APBA1: variants seen among roughly 807,000 people sequenced by gnomAD.
APBA1 encodes the protein amyloid beta precursor protein binding family A member 1.
APBA1 carries 55 observed loss-of-function variants against 86.6 expected under a neutral mutation model. The observed-to-expected ratio is 0.64, with a 90% CI of 0.51 to 0.80. The LOEUF (loss-of-function observed/expected upper bound fraction) is 0.80, where lower values mean the gene tolerates loss of function less well. APBA1 is among the 30% of genes least tolerant of loss of function. The probability of loss-of-function intolerance (pLI) is 0.00; values close to 1 mark genes in which losing one functional copy is unlikely to be tolerated. For missense variants in APBA1, 1,090 were observed against 1,183.0 expected, an observed-to-expected ratio of 0.92 and a Z score of 1.15; for synonymous variants, 511 against 493.9, an observed-to-expected ratio of 1.03 and a Z score of -0.46.
At chr9:69,615,164 C>T (rs562750739) in intron 1 of APBA1, among the ~76,000 whole-genome samples, 7 of 152,330 alleles carry the variant, frequency 4.6e-5, no homozygotes, top group Non-Finnish European at 8.8e-5. Context: ...CACGCCACTG[C>T]GTTCCGGCCT....
At chr9:69,510,510 A>T (rs1255325208) in intron 2 of APBA1, among the ~76,000 whole-genome samples, 1 of 136,040 alleles carries the variant, frequency 7.4e-6, no homozygotes, top group Non-Finnish European at 1.6e-5. Flanking sequence ...GGTAATTTAC[A>T]GATTCAATGC....
At position 69,531,653 on chromosome 9, in the gene APBA1, C is replaced by T. The variant is rs563490097; in HGVS notation, c.-69-14374G>A. Among the ~76,000 whole-genome samples, 252 of 152,304 alleles carry T rather than the reference C, an allele frequency of 1.7e-3. 1 individual carries two copies. Among genetic ancestry groups the T allele is most frequent in the African/African-American group, 5.8e-3 (242 of 41,568 alleles). ...CCCTGCCCTTCAGCACTCATGGCCT[C>T]TGTAGGTAAATCAGTAGGAGAAGTT... On this transcript the variant is annotated intron_variant, in intron 1 of 12. Transcript: ENST00000265381.
At chr9:69,597,229 C>T (rs1444868227) in intron 1 of APBA1, among the ~76,000 whole-genome samples, 3 of 152,182 alleles carry the variant, frequency 2.0e-5, no homozygotes, top group Non-Finnish European at 2.9e-5. Context: ...GAGATAGTAT[C>T]TCATTGTGGT....
At chr9:69,581,181 T>A (rs1325809381) in intron 1 of APBA1, among the ~76,000 whole-genome samples, 1 of 152,186 alleles carries the variant, frequency 6.6e-6, no homozygotes, top group Non-Finnish European at 1.5e-5. Context: ...TTAAATGGTA[T>A]CAGTCAAAGC....
intron 1 of APBA1, among the ~76,000 whole-genome samples, chr9:69,518,080 G>A (rs12553491): frequency 0.37 from 56,973 of 151,988 alleles, 12,166 homozygotes; most frequent in Non-Finnish European, 0.47. Context: ...TCCCTATTGC[G>A]CACTCAGCAT....
chr9:69,558,244 C>A (rs1034487971), intron 1 of APBA1, among the ~76,000 whole-genome samples: 2 of 151,998 alleles, frequency 1.3e-5, no homozygotes, highest in Admixed American at 6.6e-5. Flanking sequence ...TGTTATTTGG[C>A]TTTGAAAGTC....
At chr9:69,537,059 A>G (rs988434246) in intron 1 of APBA1, among the ~76,000 whole-genome samples, 2 of 132,554 alleles carry the variant, frequency 1.5e-5, no homozygotes, top group Non-Finnish European at 1.7e-5. Context: ...ATATATATGT[A>G]TATATATATA....
chr9:69,564,034 A>C (rs897956155), intron 1 of APBA1, among the ~76,000 whole-genome samples: 6 of 152,108 alleles, frequency 3.9e-5, no homozygotes, highest in Admixed American at 3.3e-4. Flanking sequence ...TTACCTCCAT[A>C]AGGTGCACAT....
chr9:69,553,940 G>T (rs1337767063), intron 1 of APBA1, among the ~76,000 whole-genome samples: 5 of 152,070 alleles, frequency 3.3e-5, no homozygotes, highest in African/African-American at 1.2e-4. Context: ...TGGTGAAAAG[G>T]GCTCCATTTC....
At chr9:69,618,023 C>T (rs1236084493) in intron 1 of APBA1, among the ~76,000 whole-genome samples, 1 of 152,168 alleles carries the variant, frequency 6.6e-6, no homozygotes, top group East Asian at 1.9e-4. Context: ...TAAATCTCAA[C>T]TTTAATTGCT....
chr9:69,570,665 G>T (rs1046262216), intron 1 of APBA1, among the ~76,000 whole-genome samples: 4 of 152,156 alleles, frequency 2.6e-5, no homozygotes, highest in Non-Finnish European at 5.9e-5. Context: ...CACTTTGAGA[G>T]AATAGCCCCC....
intron 1 of APBA1, among the ~76,000 whole-genome samples, chr9:69,517,618 A>T (rs1836189774): frequency 6.6e-6 from 1 of 152,188 alleles, no homozygotes; most frequent in Non-Finnish European, 1.5e-5. Context: ...GGGCCAACTG[A>T]CACATTTTCC....
intron 1 of APBA1, among the ~76,000 whole-genome samples, chr9:69,655,299 T>A (rs928101639): frequency 1.3e-5 from 2 of 152,094 alleles, no homozygotes; most frequent in African/African-American, 4.8e-5. Context: ...TATATACACA[T>A]ATATACACAT....
chr9:69,530,357 C>CAT (rs1449321999), intron 1 of APBA1, among the ~76,000 whole-genome samples: 5 of 148,138 alleles, frequency 3.4e-5, no homozygotes, highest in East Asian at 2.0e-4. Context: ...CACACACACA[C>CAT]ATGCAACACT....
intron 1 of APBA1, among the ~76,000 whole-genome samples, chr9:69,635,171 CAT>C (rs1823130264): frequency 6.6e-6 from 1 of 151,942 alleles, no homozygotes; most frequent in African/African-American, 2.4e-5. Flanking sequence ...CTTTTCAAGA[CAT>C]AGTACAATAA....
At chr9:69,594,601 C>A (rs1822194011) in intron 1 of APBA1, among the ~76,000 whole-genome samples, 1 of 151,866 alleles carries the variant, frequency 6.6e-6, no homozygotes, top group African/African-American at 2.4e-5. Flanking sequence ...TTCTTGGGTA[C>A]AACATGATTA....
At chr9:69,623,902 C>T (rs1822876949) in intron 1 of APBA1, among the ~76,000 whole-genome samples, 1 of 152,180 alleles carries the variant, frequency 6.6e-6, no homozygotes, top group Non-Finnish European at 1.5e-5. Flanking sequence ...TGTAATACCT[C>T]TCTTATCTTG....
At chr9:69,641,176 C>G (rs571936485) in intron 1 of APBA1, among the ~76,000 whole-genome samples, 1 of 151,854 alleles carries the variant, frequency 6.6e-6, no homozygotes, top group South Asian at 2.1e-4. Flanking sequence ...CAATGAACAG[C>G]TGGAAGTTGA....
At chr9:69,452,004 C>T in intron 9 of APBA1, 118 bp downstream of exon 9, 1 of 954,854 alleles carries the variant, frequency 1.0e-6, no homozygotes, top group Non-Finnish European at 1.6e-6. Flanking sequence ...TCATGATGTC[C>T]TGCCAATACG....
Sources: gnomAD v4.1 joint callset for allele counts (sites outside exome capture counted in the v4.1 genomes callset) on GRCh38, gnomAD v4.1.1 for gene constraint, MANE v1.5 for transcripts, NCBI Gene and HGNC (gene_info 2026-07-23, HGNC 2026-07-21) for gene names.